AIRIM: variants seen among roughly 807,000 people sequenced by gnomAD.
AIRIM encodes the protein AFG2-interacting ribosome maturation factor.
chr1:37,690,585 C>G, the AIRIM span: 94 of 793,152 alleles, frequency 1.2e-4, no homozygotes, highest in South Asian at 1.7e-3. Context: ...GCTACTGAGT[C>G]GCGAAAATAT....
At chr1:37,690,755 T>G in the AIRIM span, among the ~76,000 whole-genome samples, 1 of 152,028 alleles carries the variant, frequency 6.6e-6, no homozygotes, top group Admixed American at 6.5e-5. Context: ...TGGTGGCATG[T>G]CCTGTTAGCT....
chr1:37,689,849 T>C, the AIRIM span: 3 of 1,584,870 alleles, frequency 1.9e-6, no homozygotes, highest in Non-Finnish European at 2.6e-6. Context: ...CAGCGCCTCC[T>C]GCACGGCAAG....
the AIRIM span, among the ~76,000 whole-genome samples, chr1:37,684,430 C>A: frequency 7.6e-4 from 115 of 152,198 alleles, 1 homozygote; most frequent in African/African-American, 2.6e-3. Context: ...ATCAGCCTAG[C>A]CAACATGGTG....
At chr1:37,689,245 T>C in the AIRIM span, among the ~76,000 whole-genome samples, 2 of 152,222 alleles carry the variant, frequency 1.3e-5, no homozygotes, top group South Asian at 4.1e-4. Context: ...AGAGACTTTA[T>C]AACGTAATAT....
the AIRIM span, chr1:37,686,487 G>A: frequency 3.1e-6 from 5 of 1,595,988 alleles, no homozygotes; most frequent in Non-Finnish European, 4.3e-6. Flanking sequence ...GCAATATCAT[G>A]AGACATGTAT....
At chr1:37,684,496 G>A in the AIRIM span, among the ~76,000 whole-genome samples, 42 of 152,198 alleles carry the variant, frequency 2.8e-4, no homozygotes, top group Admixed American at 7.8e-4. Flanking sequence ...GCAGGTGTCT[G>A]TAATCTCAGC....
chr1:37,690,474 C>T, the AIRIM span: 1 of 1,253,736 alleles, frequency 8.0e-7, no homozygotes, highest in Non-Finnish European at 1.0e-6. Context: ...TCCAGACAGC[C>T]AAAGCGTGAG....
chr1:37,684,031 A>T, the AIRIM span: 1 of 152,460 alleles, frequency 6.6e-6, no homozygotes, highest in Non-Finnish European at 1.5e-5. Flanking sequence ...TATCAGGATC[A>T]GAACCAGACT....
the AIRIM span, among the ~76,000 whole-genome samples, chr1:37,685,616 G>A: frequency 3.3e-5 from 5 of 151,472 alleles, no homozygotes; most frequent in Admixed American, 3.3e-4. Flanking sequence ...TCAAACTCTC[G>A]GGCTCAAGCA....
the AIRIM span, chr1:37,690,520 C>G: frequency 2.5e-6 from 3 of 1,180,494 alleles, no homozygotes; most frequent in Non-Finnish European, 3.2e-6. Context: ...CCCACAGTCT[C>G]TCTGCGCATG....
At chr1:37,686,547 TTC>T in the AIRIM span, 4 of 1,266,878 alleles carry the variant, frequency 3.2e-6, no homozygotes, top group East Asian at 2.5e-5. Flanking sequence ...GACTACATGA[TTC>T]TCTGTTGTGA....
chr1:37,689,769 G>A, the AIRIM span: 2 of 1,613,374 alleles, frequency 1.2e-6, no homozygotes, highest in East Asian at 2.2e-5. Context: ...GAGGACAGGA[G>A]GGGCTGGCAG....
chr1:37,688,255 A>G, the AIRIM span, among the ~76,000 whole-genome samples: 1 of 151,220 alleles, frequency 6.6e-6, no homozygotes, highest in African/African-American at 2.4e-5. Context: ...ATGGTGTTTC[A>G]CCATGTTGGC....
chr1:37,688,545 A>G, the AIRIM span, among the ~76,000 whole-genome samples: 20 of 152,182 alleles, frequency 1.3e-4, no homozygotes, highest in African/African-American at 4.8e-4. Context: ...AAGAACAGGA[A>G]CTAAATCTGG....
chr1:37,683,110 A>G, the AIRIM span: 3 of 1,611,758 alleles, frequency 1.9e-6, no homozygotes, highest in Non-Finnish European at 2.5e-6. Flanking sequence ...GTCTCCAGAT[A>G]CGCATAGCTT....
At chr1:37,690,606 C>G in the AIRIM span, 1 of 547,264 alleles carries the variant, frequency 1.8e-6, no homozygotes, top group Non-Finnish European at 2.7e-6. Context: ...ATCGTAGTGC[C>G]GCAATGACTT....
the AIRIM span, chr1:37,689,921 G>A: frequency 6.6e-7 from 1 of 1,505,654 alleles, no homozygotes; most frequent in East Asian, 2.3e-5. Context: ...AACCACGTTG[G>A]GGTGCCAAGT....
chr1:37,686,486 T>C, the AIRIM span: 4 of 1,597,172 alleles, frequency 2.5e-6, no homozygotes, highest in African/African-American at 2.7e-5. Context: ...GGCAATATCA[T>C]GAGACATGTA....
the AIRIM span, chr1:37,689,481 G>T: frequency 8.5e-7 from 1 of 1,181,456 alleles, no homozygotes; most frequent in Non-Finnish European, 1.2e-6. Context: ...AGTAAGGAAG[G>T]TTGAGATACC....
Sources: allele counts gnomAD v4.1 joint callset (sites outside exome capture counted in the v4.1 genomes callset), GRCh38; gene constraint gnomAD v4.1.1; transcripts MANE v1.5; gene names NCBI Gene and HGNC (gene_info 2026-07-23, HGNC 2026-07-21).